The following KCNH7 variants were observed in gnomAD, a reference collection of about 807,000 sequenced individuals.
The protein encoded by KCNH7 is potassium voltage-gated channel subfamily H member 7, also known as voltage-gated inwardly rectifying potassium channel KCNH7.
In KCNH7, 49 loss-of-function variants were observed where a neutral mutation model predicts 120.8. The ratio of observed to expected loss-of-function variants is 0.41; its 90% CI spans 0.32 to 0.51. The LOEUF (loss-of-function observed/expected upper bound fraction) is 0.51, where lower values mean the gene tolerates loss of function less well. Ranked by LOEUF, KCNH7 falls within the 20% of genes least tolerant of loss-of-function variation. The pLI is 0.38. For synonymous variants in KCNH7, 547 were observed against 516.1 expected, an observed-to-expected ratio of 1.06 and a Z score of -0.81; for missense variants, 1,097 against 1,446.6, an observed-to-expected ratio of 0.76 and a Z score of 3.92.
At position 162,384,763 on chromosome 2, in the gene KCNH7, A is replaced by T. The variant is rs760105827; in HGVS notation, c.2887T>A (p.Ser963Thr). The change falls in exon 13 of 16, where the codon TCT becomes ACT. Residue 963 changes from serine to threonine, a missense_variant. Around this residue, in one of 8 missense-constraint regions of KCNH7, gnomAD observed 406 missense variants for 410.5 expected, o/e 0.99. Coordinates refer to ENST00000332142, the MANE Select transcript of KCNH7 (RefSeq NM_033272.4). ...ACTGTTTCTTCAAAATCGAGCCCAG[A>T]TGCTTTCCCTATTCCTGGAGAAGAG... ...VDSSPGIGKASGLDFEETVPT... is the reference protein window; with the variant it reads ...VDSSPGIGKATGLDFEETVPT... 1.2e-6 allele frequency: 2 copies of T among 1,612,830 alleles called. No individual in the cohort carries two copies. The highest frequency in any genetic ancestry group is 3.3e-5 in the Admixed American group (2 of 59,916).
chr2:162,783,307 C>T (rs929205871), intron 2 of KCNH7, among the ~76,000 whole-genome samples: 5 of 152,108 alleles, frequency 3.3e-5, no homozygotes, highest in Non-Finnish European at 7.3e-5. Flanking sequence ...AATTCCTTAT[C>T]CCATGACACT....
In KCNH7 at chr2:162,423,304, G is replaced by C. The variant is rs1439290585; in HGVS notation, c.2154+32C>G. ...TTTGGCTATCACTATAATGCCTGCG[G>C]CACTTTCATTTTGGAAAACAGACAT... On this transcript the variant is annotated intron_variant, in intron 9 of 15. Transcript: ENST00000332142. The C allele has an allele frequency of 1.9e-6, 3 of 1,613,814 alleles. No individual in the cohort carries two copies. The African/African-American group carries it at 4.0e-5, about 22-fold the overall frequency.
chr2:162,377,618 G>A (rs1286712072), intron 14 of KCNH7, among the ~76,000 whole-genome samples: 1 of 152,170 alleles, frequency 6.6e-6, no homozygotes, highest in Non-Finnish European at 1.5e-5. Flanking sequence ...TTAGGTTACA[G>A]TGGCTTCTGT....
chr2:162,418,269 C>A (rs78393952), intron 9 of KCNH7, among the ~76,000 whole-genome samples: 2 of 152,048 alleles, frequency 1.3e-5, no homozygotes, highest in African/African-American at 4.8e-5. Flanking sequence ...AATCTTTATA[C>A]CCCCTTTTAA....
Position 162,672,264 on chromosome 2 carries a change from A to G in KCNH7, c.308-135184T>C, listed in dbSNP as rs79999881. ...AAAGGTGGCTAAATAATAGGCATAAAGTAACTTTTAGCAAATTTCAAGAGA... is the reference window on the plus strand; with the variant it reads ...AAAGGTGGCTAAATAATAGGCATAAGGTAACTTTTAGCAAATTTCAAGAGA... On this transcript the variant is annotated intron_variant, in intron 2 of 15. Coordinates refer to ENST00000332142, the MANE Select transcript of KCNH7 (RefSeq NM_033272.4). Among the ~76,000 whole-genome samples the G allele has an allele frequency of 6.4e-3, 975 of 152,222 alleles. 13 individuals carry two copies. The highest frequency in any genetic ancestry group is 0.022 in the African/African-American group (913 of 41,570).
chr2:162,466,550 T>C (rs1689310602), intron 6 of KCNH7, among the ~76,000 whole-genome samples: 1 of 152,128 alleles, frequency 6.6e-6, no homozygotes, highest in Non-Finnish European at 1.5e-5. Context: ...CAAGATGAGA[T>C]TTGGGTGGGA....
At chr2:162,423,724 G>T (rs1424149347) in intron 8 of KCNH7, among the ~76,000 whole-genome samples, 189 bp from the exon 9 acceptor site, 1 of 151,958 alleles carries the variant, frequency 6.6e-6, no homozygotes, top group Non-Finnish European at 1.5e-5. Flanking sequence ...AGCTGGAGAG[G>T]GAAAGTATCC....
intron 2 of KCNH7, among the ~76,000 whole-genome samples, chr2:162,617,335 C>T (rs1259123932): frequency 4.6e-5 from 7 of 151,804 alleles, no homozygotes; most frequent in African/African-American, 9.7e-5. Flanking sequence ...AAAAATTAGC[C>T]GGGCGTGGTG....
rs147687941 is a variant in KCNH7, at chr2:162,513,704, T to C, written c.893-1030A>G. Among the ~76,000 whole-genome samples, 618 of 151,746 alleles carry C rather than the reference T, an allele frequency of 4.1e-3. 10 individuals carry two copies. Among genetic ancestry groups the C allele is most frequent in the African/African-American group, 0.014 (585 of 41,458 alleles). ...ATCACAATTTTATTAACTGCCCTCCTCCAAATGTACTTCAATATATATTTT... is the reference window on the plus strand; with the variant it reads ...ATCACAATTTTATTAACTGCCCTCCCCCAAATGTACTTCAATATATATTTT... On this transcript the variant is annotated intron_variant, in intron 4 of 15. Transcript: ENST00000332142.
At chr2:162,529,015 TG>T (rs1319179988) in intron 3 of KCNH7, among the ~76,000 whole-genome samples, 2 of 151,770 alleles carry the variant, frequency 1.3e-5, no homozygotes, top group East Asian at 3.9e-4. Flanking sequence ...GAGTTTTTGG[TG>T]GGATGAAATG....
At chr2:162,411,899 T>TA (rs1490672653) in intron 9 of KCNH7, among the ~76,000 whole-genome samples, 1 of 151,986 alleles carries the variant, frequency 6.6e-6, no homozygotes, top group African/African-American at 2.4e-5. Context: ...TGCTGATGAT[T>TA]GTATGCTTAG....
chr2:162,424,155 T>A (rs534517179), intron 8 of KCNH7, among the ~76,000 whole-genome samples: 22 of 152,304 alleles, frequency 1.4e-4, no homozygotes, highest in African/African-American at 5.3e-4. Context: ...TTTCATAGTA[T>A]TTTTGCATAA....
At chr2:162,584,628 C>T (rs1360443420) in intron 2 of KCNH7, among the ~76,000 whole-genome samples, 1 of 152,000 alleles carries the variant, frequency 6.6e-6, no homozygotes, top group Non-Finnish European at 1.5e-5. Context: ...AGAACTCACC[C>T]TTTAGTCTTT....
At chr2:162,686,103 G>A (rs1008076099) in intron 2 of KCNH7, among the ~76,000 whole-genome samples, 21 of 152,026 alleles carry the variant, frequency 1.4e-4, no homozygotes, top group African/African-American at 4.8e-4. Context: ...TTTAGTGTAT[G>A]GTGGGGCAAT....
At chr2:162,748,990 CTTTCCT>C (rs1394429075) in intron 2 of KCNH7, among the ~76,000 whole-genome samples, 2 of 112,988 alleles carry the variant, frequency 1.8e-5, no homozygotes, top group African/African-American at 4.7e-5. Context: ...TTCCTTCCTT[CTTTCCT>C]CTCTTTTGCA....
intron 2 of KCNH7, among the ~76,000 whole-genome samples, chr2:162,616,906 C>T (rs1181999852): frequency 1.3e-5 from 2 of 152,108 alleles, no homozygotes; most frequent in East Asian, 3.9e-4. Context: ...AAAGAGGAGC[C>T]TTCAGTCATC....
intron 2 of KCNH7, among the ~76,000 whole-genome samples, chr2:162,698,433 AT>A (rs34577338): frequency 0.1 from 14,337 of 138,896 alleles, 1,361 homozygotes; most frequent in African/African-American, 0.25. Flanking sequence ...CGCCGTCTTT[AT>A]TTTTTTTTTT....
chr2:162,731,612 C>A (rs184201790), intron 2 of KCNH7, among the ~76,000 whole-genome samples: 88 of 151,694 alleles, frequency 5.8e-4, no homozygotes, highest in Non-Finnish European at 1.1e-3. Context: ...AATATGATAC[C>A]TTATTTTTAT....
intron 8 of KCNH7, among the ~76,000 whole-genome samples, chr2:162,433,438 C>A (rs947295367): frequency 5.9e-5 from 9 of 151,950 alleles, no homozygotes; most frequent in African/African-American, 2.2e-4. Context: ...GACACATAGG[C>A]CAATAGAATA....
Sources: gnomAD v4.1 joint callset for allele counts (sites outside exome capture counted in the v4.1 genomes callset) on GRCh38, gnomAD v4.1.1 for gene constraint, gnomAD v4.1.1 regional missense constraint, MANE v1.5 for transcripts, NCBI Gene and HGNC (gene_info 2026-07-23, HGNC 2026-07-21) for gene names.